The following VWC2 variants were observed in gnomAD, a reference collection of about 807,000 sequenced individuals.
VWC2 encodes von Willebrand factor C domain containing 2.
Under a neutral mutation model 29.8 loss-of-function variants are expected in VWC2, and 14 were observed. The observed-to-expected ratio is 0.47, with a 90% CI of 0.31 to 0.74. VWC2 has a LOEUF of 0.74. VWC2 is among the 30% of genes least tolerant of loss of function. The pLI, the probability that VWC2 is intolerant of heterozygous loss-of-function variation, is 0.05. For missense variants in VWC2, 457 were observed against 459.8 expected, an observed-to-expected ratio of 0.99 and a Z score of 0.05; for synonymous variants, 213 against 199.0, an observed-to-expected ratio of 1.07 and a Z score of -0.59.
At chr7:49,775,185 C>A (rs967040333) in intron 1 of VWC2, 148 bp from the exon 2 acceptor site, 8 of 245,196 alleles carry the variant, frequency 3.3e-5, no homozygotes, top group South Asian at 1.8e-4. Flanking sequence ...CTAAGAACCC[C>A]GGCCGTGCAC....
chr7:49,844,911 G>A, intron 3 of VWC2, among the ~76,000 whole-genome samples: 1 of 152,090 alleles, frequency 6.6e-6, no homozygotes, highest in Non-Finnish European at 1.5e-5. Context: ...TTGAACTCCT[G>A]ACCCCAGGTG....
At chr7:49,891,259 C>T (rs577156584) in intron 3 of VWC2, among the ~76,000 whole-genome samples, 81 of 152,014 alleles carry the variant, frequency 5.3e-4, no homozygotes, top group Non-Finnish European at 6.6e-4. Flanking sequence ...TTGAGACAAG[C>T]GATAAAAGCC....
chr7:49,809,940 T>C (rs1282082492), intron 3 of VWC2, among the ~76,000 whole-genome samples: 2 of 151,968 alleles, frequency 1.3e-5, no homozygotes, highest in African/African-American at 4.8e-5. Flanking sequence ...TCAATACTCC[T>C]AAAATCTAGG....
intron 3 of VWC2, among the ~76,000 whole-genome samples, chr7:49,886,845 T>C (rs534889223): frequency 2.6e-5 from 4 of 152,216 alleles, no homozygotes; most frequent in Admixed American, 6.5e-5. Flanking sequence ...ATTTAGCCTT[T>C]ATTGCATAGA....
rs1487226857 is a variant in VWC2 at position 49,775,341 on chromosome 7, G to T, written c.-95G>T. On this transcript the variant is annotated 5_prime_UTR_variant, in exon 2 of 4. Transcript: ENST00000340652. ...TGCTGTTCTCTCCGCAGGGACGGCG[G>T]CTCCCGGCTGGCGGCGGCGCGCCCC... is the stretch of plus-strand genomic sequence containing the variant. 5.5e-5 allele frequency: 57 copies of T among 1,028,470 alleles called. No homozygotes were observed. Among genetic ancestry groups the T allele is most frequent in the Non-Finnish European group, 6.1e-5 (48 of 789,642 alleles). 63.7% of individuals were successfully genotyped at this position (1,028,470 alleles called of 1,614,324 possible). A position where few individuals can be genotyped will look rare whatever the true frequency, so the allele number is the denominator to read the frequency against.
intron 3 of VWC2, among the ~76,000 whole-genome samples, chr7:49,894,979 G>A (rs1792313708): frequency 6.6e-6 from 1 of 152,170 alleles, no homozygotes; most frequent in African/African-American, 2.4e-5. Context: ...AGTCAAGAGT[G>A]AGTTTTTGTT....
At chr7:49,837,774 G>T (rs767954980) in intron 3 of VWC2, among the ~76,000 whole-genome samples, 59 of 152,152 alleles carry the variant, frequency 3.9e-4, no homozygotes, top group Admixed American at 3.9e-4. Flanking sequence ...TAGCCGAGGG[G>T]GTGGAAATCT....
intron 3 of VWC2, among the ~76,000 whole-genome samples, chr7:49,872,723 T>C (rs1427997594): frequency 1.4e-5 from 2 of 138,726 alleles, no homozygotes; most frequent in Non-Finnish European, 3.1e-5. Context: ...CTGGCCAACA[T>C]AGTGAAACCC....
At chr7:49,786,438 T>A (rs1418993128) in intron 2 of VWC2, among the ~76,000 whole-genome samples, 1 of 152,206 alleles carries the variant, frequency 6.6e-6, no homozygotes, top group Non-Finnish European at 1.5e-5. Context: ...AGTGCTGCAA[T>A]GAACATAGGA....
At chr7:49,789,096 G>A (rs1046661547) in intron 2 of VWC2, among the ~76,000 whole-genome samples, 1 of 137,420 alleles carries the variant, frequency 7.3e-6, no homozygotes, top group African/African-American at 3.1e-5. Flanking sequence ...AGGTTTGGGT[G>A]TGAGAGAGAG....
At chr7:49,893,937 T>C (rs899423972) in intron 3 of VWC2, among the ~76,000 whole-genome samples, 6 of 152,196 alleles carry the variant, frequency 3.9e-5, no homozygotes, top group African/African-American at 1.4e-4. Flanking sequence ...ATAAAATGCG[T>C]TGCCACAAGC....
chr7:49,867,443 G>T (rs1236933061), intron 3 of VWC2, among the ~76,000 whole-genome samples: 1 of 152,202 alleles, frequency 6.6e-6, no homozygotes, highest in African/African-American at 2.4e-5. Flanking sequence ...CTGAGAGGCG[G>T]AGGTGGGCCT....
At chr7:49,789,147 ATG>A (rs764891240) in intron 2 of VWC2, among the ~76,000 whole-genome samples, 7 of 125,924 alleles carry the variant, frequency 5.6e-5, no homozygotes, top group East Asian at 5.1e-4. Context: ...ATGTATGAGA[ATG>A]TGAGTGTGGC....
At chr7:49,844,716 G>A (rs1226236256) in intron 3 of VWC2, among the ~76,000 whole-genome samples, 2 of 152,134 alleles carry the variant, frequency 1.3e-5, no homozygotes, top group East Asian at 1.9e-4. Context: ...TTTTGAGACG[G>A]AGTTTGGCTC....
At chr7:49,845,882 C>T (rs563437848) in intron 3 of VWC2, among the ~76,000 whole-genome samples, 9 of 152,250 alleles carry the variant, frequency 5.9e-5, no homozygotes, top group African/African-American at 2.2e-4. Flanking sequence ...TGCGTGTGCA[C>T]ACCCACACGT....
chr7:49,801,130 T>C (rs1302769393), intron 2 of VWC2, among the ~76,000 whole-genome samples: 1 of 152,242 alleles, frequency 6.6e-6, no homozygotes, highest in Admixed American at 6.5e-5. Context: ...TAAACTCCAG[T>C]TGAGCTTTTG....
intron 3 of VWC2, among the ~76,000 whole-genome samples, chr7:49,826,742 GTTTT>G (rs1262576934): frequency 6.6e-6 from 1 of 152,088 alleles, no homozygotes; most frequent in Non-Finnish European, 1.5e-5. Context: ...CATTTAAAAG[GTTTT>G]TAATAGATTT....
intron 3 of VWC2, among the ~76,000 whole-genome samples, chr7:49,888,898 C>A (rs778680069): frequency 1.3e-5 from 2 of 151,558 alleles, no homozygotes; most frequent in African/African-American, 4.9e-5. Flanking sequence ...GGGACAAGAG[C>A]GAGACTTCAT....
chr7:49,774,715 G>A lies in VWC2; in HGVS notation c.-104+602G>A, dbSNP rs553120566. Reference sequence around the variant, plus strand: ...CCGGCCCTCTGGCAAGGGGCCGAGGGCATCCTTTCATGCAGCGGGGCTTAG... The same window carrying A: ...CCGGCCCTCTGGCAAGGGGCCGAGGACATCCTTTCATGCAGCGGGGCTTAG... On this transcript the variant is annotated intron_variant, in intron 1 of 3. Transcript: ENST00000340652. Among the ~76,000 whole-genome samples the A allele has an allele frequency of 1.1e-3, 165 of 152,306 alleles. 1 individual carries two copies. The highest frequency in any genetic ancestry group is 3.8e-3 in the African/African-American group (159 of 41,584).
Sources: allele counts gnomAD v4.1 joint callset (sites outside exome capture counted in the v4.1 genomes callset), GRCh38; gene constraint gnomAD v4.1.1; transcripts MANE v1.5; gene names NCBI Gene and HGNC (gene_info 2026-07-23, HGNC 2026-07-21).